The following LRP1B variants were observed in gnomAD, a reference collection of about 807,000 sequenced individuals.
The protein encoded by LRP1B is low-density lipoprotein receptor-related protein 1B.
Under a neutral mutation model 556.6 loss-of-function variants are expected in LRP1B, and 217 were observed. The observed-to-expected ratio is 0.39, with a 90% CI of 0.35 to 0.44. The LOEUF (loss-of-function observed/expected upper bound fraction) is 0.44, where lower values mean the gene tolerates loss of function less well. Among genes scored for constraint, LRP1B ranks in the 20% least tolerant of loss-of-function variants. LRP1B has a pLI of 1.00. For missense variants in LRP1B, 5,053 were observed against 5,620.8 expected (o/e 0.90, Z 3.23); for synonymous variants, 2,047 against 1,865.8 (o/e 1.10, Z -2.50).
intron 43 of LRP1B, among the ~76,000 whole-genome samples, chr2:140,573,575 C>T (rs1407829233): frequency 6.6e-6 from 1 of 151,952 alleles, no homozygotes; most frequent in African/African-American, 2.4e-5. Context: ...AGTTTTTATT[C>T]TGTTCCAACT....
chr2:141,553,934 G>T (rs1044722041), intron 2 of LRP1B, among the ~76,000 whole-genome samples: 1 of 124,514 alleles, frequency 8.0e-6, no homozygotes, highest in Admixed American at 8.5e-5. Flanking sequence ...TATTAATATA[G>T]TTATATATCT....
intron 41 of LRP1B, among the ~76,000 whole-genome samples, chr2:140,612,781 T>A (rs1408415007): frequency 1.3e-5 from 2 of 152,168 alleles, no homozygotes; most frequent in Non-Finnish European, 2.9e-5. Context: ...TAGTGTCAAC[T>A]CTTATGCCTT....
At chr2:141,724,266 A>G (rs1692947767) in intron 2 of LRP1B, among the ~76,000 whole-genome samples, 1 of 151,932 alleles carries the variant, frequency 6.6e-6, no homozygotes, top group African/African-American at 2.4e-5. Flanking sequence ...TGGTGATAAA[A>G]TTACCTCATC....
At chr2:140,966,814 T>A (rs942211040) in intron 18 of LRP1B, among the ~76,000 whole-genome samples, 1 of 152,148 alleles carries the variant, frequency 6.6e-6, no homozygotes, top group Non-Finnish European at 1.5e-5. Context: ...TTTCCCCGTT[T>A]CTTGTTTTTG....
chr2:141,698,843 C>A (rs1057239382), intron 2 of LRP1B, among the ~76,000 whole-genome samples: 1 of 151,696 alleles, frequency 6.6e-6, no homozygotes, highest in African/African-American at 2.4e-5. Flanking sequence ...CTGCCCCTGC[C>A]CCACTCCTAA....
chr2:140,611,728 C>T (rs974773590), intron 41 of LRP1B, among the ~76,000 whole-genome samples: 1 of 152,010 alleles, frequency 6.6e-6, no homozygotes, highest in African/African-American at 2.4e-5. Flanking sequence ...TATTTACTCT[C>T]TCATATTTTA....
intron 31 of LRP1B, among the ~76,000 whole-genome samples, chr2:140,816,930 T>C (rs1691145354): frequency 6.6e-6 from 1 of 152,178 alleles, no homozygotes; most frequent in African/African-American, 2.4e-5. Flanking sequence ...GTATACATGA[T>C]GCTGGAATAA....
intron 86 of LRP1B, among the ~76,000 whole-genome samples, chr2:140,250,539 C>T (rs1261833323): frequency 1.3e-5 from 2 of 150,888 alleles, no homozygotes; most frequent in Non-Finnish European, 3.0e-5. Context: ...TTTTTCCTAG[C>T]ATTATTTAAT....
intron 2 of LRP1B, among the ~76,000 whole-genome samples, chr2:141,523,812 T>C (rs1249243514): frequency 6.6e-6 from 1 of 152,170 alleles, no homozygotes. Context: ...GCTACCATCA[T>C]AGCCGAGTAA....
chr2:140,331,236 C>A (rs1680795638), intron 79 of LRP1B, among the ~76,000 whole-genome samples: 2 of 152,042 alleles, frequency 1.3e-5, no homozygotes, highest in Non-Finnish European at 2.9e-5. Context: ...GAGTACTATG[C>A]AGCCATAAAA....
intron 2 of LRP1B, among the ~76,000 whole-genome samples, chr2:141,719,089 A>C (rs1019639948): frequency 5.9e-5 from 9 of 152,140 alleles, no homozygotes; most frequent in Admixed American, 3.3e-4. Context: ...TTTTATGAGC[A>C]GTCTTGTCAG....
chr2:140,252,062 C>CAAAAAAAAAAAAA lies in LRP1B; in HGVS notation c.13248-4913_13248-4901dup. Among the ~76,000 whole-genome samples the CAAAAAAAAAAAAA allele has an allele frequency of 5.8e-3, 107 of 18,494 alleles. 4 individuals carry two copies. The highest frequency in any genetic ancestry group is 0.013 in the South Asian group (2 of 152). 12.1% of individuals were successfully genotyped at this position (18,494 alleles called of 152,430 possible). A position where few individuals can be genotyped will look rare whatever the true frequency, so the allele number is the denominator to read the frequency against. On this transcript the variant is annotated intron_variant, in intron 86 of 90. Transcript: ENST00000389484. ...TTGCAGATAGTAGCATGACAAGATGCAAAAAAAAAAAAAAAAAAAAAAAAA... is the reference window on the plus strand; with the variant it reads ...TTGCAGATAGTAGCATGACAAGATGCAAAAAAAAAAAAAAAAAAAAAAAAAAAAAAAAAAAAAA...
chr2:140,784,376 C>CCACACACACACCCA (rs1553533122), intron 32 of LRP1B, among the ~76,000 whole-genome samples: 1 of 126,574 alleles, frequency 7.9e-6, no homozygotes, highest in African/African-American at 2.9e-5. Flanking sequence ...GATTCTGCCT[C>CCACACACACACCCA]CACACACACA....
At chr2:142,063,334 G>A (rs1237808074) in intron 1 of LRP1B, among the ~76,000 whole-genome samples, 1 of 151,458 alleles carries the variant, frequency 6.6e-6, no homozygotes, top group Non-Finnish European at 1.5e-5. Flanking sequence ...AAACTAAAAG[G>A]CAGGGACTAT....
rs192328106 is a variant in LRP1B, at chr2:141,790,781, T to C, written c.205+19498A>G. 8.4e-4 allele frequency among the ~76,000 whole-genome samples: 128 copies of C among 152,114 alleles called. 1 individual carries two copies. The highest frequency in any genetic ancestry group is 1.5e-4 in the Non-Finnish European group (10 of 67,978). ...AAATTTTAAGGCTACTAATGTTATA[T>C]GCATTACAAATAGACGTTAAAGTTA... On this transcript the variant is annotated intron_variant, in intron 2 of 90. Transcript: ENST00000389484.
intron 41 of LRP1B, among the ~76,000 whole-genome samples, chr2:140,616,134 A>C (rs1683249092): frequency 6.6e-6 from 1 of 151,934 alleles, no homozygotes; most frequent in Admixed American, 6.6e-5. Flanking sequence ...AAAATGATGG[A>C]GCTATTAATA....
rs1013076115 is a variant in LRP1B, at chr2:140,914,418, T to A, written c.3320-6341A>T. Reference sequence around the variant, plus strand: ...ATCTGAGCATACAGGGGATTACATATTCTAACAGAAATGATATATTCTTAC... The same window carrying A: ...ATCTGAGCATACAGGGGATTACATAATCTAACAGAAATGATATATTCTTAC... On this transcript the variant is annotated intron_variant, in intron 21 of 90. Coordinates refer to ENST00000389484, the MANE Select transcript of LRP1B (RefSeq NM_018557.3). Among the ~76,000 whole-genome samples, 7 of 152,152 alleles carry A rather than the reference T, an allele frequency of 4.6e-5. 1 individual carries two copies. Among genetic ancestry groups the A allele is most frequent in the African/African-American group, 1.7e-4 (7 of 41,436 alleles).
At chr2:141,490,400 T>TGTGTGTGTGTGTG (rs66605553) in intron 2 of LRP1B, among the ~76,000 whole-genome samples, 17 of 150,882 alleles carry the variant, frequency 1.1e-4, no homozygotes, top group Non-Finnish European at 2.4e-4. Context: ...TGTGTGTGTG[T>TGTGTGTGTGTGTG]TTTCTGCTAA....
At chr2:140,958,734 T>A (rs1328279820) in intron 18 of LRP1B, among the ~76,000 whole-genome samples, 1 of 151,640 alleles carries the variant, frequency 6.6e-6, no homozygotes, top group East Asian at 1.9e-4. Flanking sequence ...TAGTGAAACA[T>A]CAGGATCTCA....
Sources: gnomAD v4.1 joint callset for allele counts (sites outside exome capture counted in the v4.1 genomes callset) on GRCh38, gnomAD v4.1.1 for gene constraint, MANE v1.5 for transcripts, NCBI Gene and HGNC (gene_info 2026-07-23, HGNC 2026-07-21) for gene names.